AVEN: variants seen among roughly 807,000 people sequenced by gnomAD.
AVEN encodes cell death regulator Aven.
Under a neutral mutation model 38.1 loss-of-function variants are expected in AVEN, and 41 were observed. The ratio of observed to expected loss-of-function variants is 1.08; its 90% CI spans 0.84 to 1.40. AVEN has a LOEUF of 1.40. AVEN is among the 40% of genes most tolerant of loss of function. The pLI, the probability that AVEN is intolerant of heterozygous loss-of-function variation, is 0.00. For synonymous variants in AVEN, 206 were observed against 171.8 expected (o/e 1.20, Z -1.56); for missense variants, 605 against 438.8 (o/e 1.38, Z -3.38).
At chr15:34,061,994 A>G (rs79823630) in intron 5 of AVEN, among the ~76,000 whole-genome samples, 115 of 152,282 alleles carry the variant, frequency 7.6e-4, no homozygotes, top group African/African-American at 2.6e-3. Context: ...TGATCATTGC[A>G]ATCTAAAGTG....
chr15:33,968,232 C>A (rs898230791), intron 2 of AVEN, among the ~76,000 whole-genome samples: 2 of 150,714 alleles, frequency 1.3e-5, no homozygotes, highest in Non-Finnish European at 3.0e-5. Context: ...TCCCAAAATA[C>A]GTCACTTAAC....
chr15:34,008,723 C>T (rs572640005), intron 1 of AVEN, among the ~76,000 whole-genome samples: 46 of 152,020 alleles, frequency 3.0e-4, no homozygotes, highest in Non-Finnish European at 5.7e-4. Flanking sequence ...CTCCTGACCT[C>T]GTGATCTGCC....
intron 3 of AVEN, among the ~76,000 whole-genome samples, chr15:33,875,417 A>G (rs953736859): frequency 3.4e-4 from 51 of 152,144 alleles, no homozygotes; most frequent in African/African-American, 1.2e-3. Context: ...CATACACACA[A>G]AGAAAATAAG....
intron 2 of AVEN, among the ~76,000 whole-genome samples, chr15:33,960,255 A>G (rs1895111930): frequency 1.3e-5 from 2 of 152,244 alleles, no homozygotes; most frequent in Admixed American, 1.3e-4. Context: ...AGAATTTTAA[A>G]TGTCACGTCT....
At chr15:33,857,226 A>C (rs6495291), downstream of AVEN, among the ~76,000 whole-genome samples, 96,528 of 146,414 alleles carry the variant, frequency 0.66, 31,498 homozygotes, top group Admixed American at 0.73. Context: ...GGCGGTAAGT[A>C]AGTCCAGTAT....
intron 2 of AVEN, among the ~76,000 whole-genome samples, chr15:33,912,119 T>C (rs1309816723): frequency 6.6e-6 from 1 of 152,246 alleles, no homozygotes; most frequent in Non-Finnish European, 1.5e-5. Context: ...TTATTAACTC[T>C]GTGACCTTAG....
At chr15:33,985,745 T>C (rs1896415758) in intron 2 of AVEN, among the ~76,000 whole-genome samples, 1 of 152,152 alleles carries the variant, frequency 6.6e-6, no homozygotes, top group African/African-American at 2.4e-5. Flanking sequence ...ATCTTGAGTT[T>C]GAAGCCAAAG....
At chr15:34,004,572 T>C (rs1897261673) in intron 1 of AVEN, among the ~76,000 whole-genome samples, 1 of 152,186 alleles carries the variant, frequency 6.6e-6, no homozygotes. Context: ...TTATTGTTTG[T>C]TTGTTATAAT....
rs989817128 is a variant in AVEN, at chr15:33,891,843, C to A, written c.446-15848G>T. Among the ~76,000 whole-genome samples, 4 of 152,200 alleles carry A rather than the reference C, an allele frequency of 2.6e-5. No individual in the cohort carries two copies. In the South Asian group the frequency reaches 6.2e-4, roughly 24 times the overall value. On this transcript the variant is annotated intron_variant, in intron 2 of 5. Coordinates refer to ENST00000306730, the MANE Select transcript of AVEN (RefSeq NM_020371.3). ...ATGGTGGAACCAATTTACACTCCCA[C>A]CAACAAAGTAAAAGCATTCCTATTT... is the stretch of plus-strand genomic sequence containing the variant.
rs894082089 is a variant in AVEN at position 34,074,334 on chromosome 15, C to CA, written n.720+101dup. ...TTAAAAAACAAAAACAAAAAACAAC[C>CA]AAAAAAAAGTATATTTAAATTTTAG... On this transcript the variant is annotated intron_variant and non_coding_transcript_variant, in intron 1 of 11. Transcript: ENST00000675287. Among the ~76,000 whole-genome samples, 2 of 151,632 alleles carry CA rather than the reference C, an allele frequency of 1.3e-5. 1 individual carries two copies. The highest frequency in any genetic ancestry group is 4.2e-4 in the South Asian group (2 of 4,802).
intron 2 of AVEN, among the ~76,000 whole-genome samples, chr15:33,985,411 G>GTTCCTTTGTTAC (rs1896387658): frequency 4.0e-5 from 6 of 150,744 alleles, no homozygotes; most frequent in Admixed American, 6.6e-5. Context: ...TGAGCTGAGT[G>GTTCCTTTGTTAC]CATGCCCTCA....
rs539611936 is a variant in AVEN, at chr15:33,941,015, A to C, written c.445+62017T>G. 2.6e-5 allele frequency among the ~76,000 whole-genome samples: 4 copies of C among 152,334 alleles called. No individual in the cohort carries two copies. The South Asian group carries it at 8.3e-4, about 32-fold the overall frequency. Reference sequence around the variant, plus strand: ...ATGCTCGAAGAAAAAAGAATTCTACAAATGTTTCAGAAACACTACAGGTTA... The same window carrying C: ...ATGCTCGAAGAAAAAAGAATTCTACCAATGTTTCAGAAACACTACAGGTTA... On this transcript the variant is annotated intron_variant, in intron 2 of 5. Coordinates refer to ENST00000306730, the MANE Select transcript of AVEN (RefSeq NM_020371.3).
intron 5 of AVEN, chr15:34,046,435 C>G (rs1292127219): frequency 2.0e-5 from 3 of 151,188 alleles, no homozygotes; most frequent in African/African-American, 7.3e-5. Flanking sequence ...TTTTTTAACT[C>G]AAGTGATTTT....
At chr15:33,922,159 T>C (rs568581508) in intron 2 of AVEN, among the ~76,000 whole-genome samples, 2 of 152,304 alleles carry the variant, frequency 1.3e-5, no homozygotes, top group East Asian at 1.9e-4. Flanking sequence ...ATAGGGAGTA[T>C]AGCCCCTTGG....
At chr15:33,931,946 T>C (rs988400529) in intron 2 of AVEN, among the ~76,000 whole-genome samples, 2 of 152,190 alleles carry the variant, frequency 1.3e-5, no homozygotes, top group Non-Finnish European at 2.9e-5. Context: ...AATCCTCACA[T>C]TCATGTGGAA....
chr15:34,030,211 A>C (rs1263873847), intron 1 of AVEN, among the ~76,000 whole-genome samples: 1 of 152,124 alleles, frequency 6.6e-6, no homozygotes, highest in African/African-American at 2.4e-5. Flanking sequence ...CTGAGATCAC[A>C]CCACTGCATT....
intron 2 of AVEN, among the ~76,000 whole-genome samples, chr15:33,971,481 C>T (rs1186320681): frequency 1.3e-5 from 2 of 151,892 alleles, no homozygotes; most frequent in Non-Finnish European, 2.9e-5. Context: ...AAAATGGCAT[C>T]TAGGTCAAAA....
chr15:33,859,061 T>C (rs2080050582), exon 12 of AVEN: 1 of 154,090 alleles, frequency 6.5e-6, no homozygotes, highest in African/African-American at 2.4e-5. Flanking sequence ...GAGGGTGCCC[T>C]GCTCAGGGAG....
chr15:33,974,359 T>C (rs1201315882), intron 2 of AVEN, among the ~76,000 whole-genome samples: 1 of 152,234 alleles, frequency 6.6e-6, no homozygotes, highest in Non-Finnish European at 1.5e-5. Flanking sequence ...TCACTCTCTG[T>C]GAGGAATGAA....
Sources: gnomAD v4.1 joint callset for allele counts (sites outside exome capture counted in the v4.1 genomes callset) on GRCh38, gnomAD v4.1.1 for gene constraint, MANE v1.5 for transcripts, NCBI Gene and HGNC (gene_info 2026-07-23, HGNC 2026-07-21) for gene names.